Variants in PHF19 observed in about 807,000 individuals in gnomAD.
PHF19 encodes the protein polycomb like 3.
In PHF19, 21 loss-of-function variants were observed where a neutral mutation model predicts 79.8. The ratio of observed to expected loss-of-function variants is 0.26; its 90% CI spans 0.19 to 0.38. The LOEUF (loss-of-function observed/expected upper bound fraction) is 0.38. Ranked by LOEUF, PHF19 falls within the 10% of genes least tolerant of loss-of-function variation. The pLI is 1.00. For missense variants in PHF19, 445 were observed against 744.2 expected (o/e 0.60, Z 4.68); for synonymous variants, 273 against 296.3 (o/e 0.92, Z 0.81).
chr9:120,904,097 GGGGCCTCTAGGCA>G, the PHF19 span: 1 of 152,262 alleles, frequency 6.6e-6, no homozygotes, highest in Non-Finnish European at 1.5e-5. Flanking sequence ...CACCAAAGGT[GGGGCCTCTAGGCA>G]GGAAGAGGAA....
At chr9:120,877,795 G>A (rs550097882), upstream of PHF19, among the ~76,000 whole-genome samples, 2 of 152,284 alleles carry the variant, frequency 1.3e-5, no homozygotes, top group East Asian at 3.9e-4. Context: ...TTCCGACACA[G>A]GTCAGAACAC....
rs549453497 is a variant in PHF19 at position 120,888,076 on chromosome 9, G to A, written c.42+6712C>T. Among the ~76,000 whole-genome samples the A allele has an allele frequency of 3.7e-3, 560 of 152,304 alleles. 6 individuals carry two copies. Among genetic ancestry groups the A allele is most frequent in the African/African-American group, 0.013 (521 of 41,560 alleles). On this transcript the variant is annotated intron_variant, in intron 1 of 14. Coordinates refer to the PHF19 transcript ENST00000616568. Reference sequence around the variant, plus strand: ...CAACCTCTGCCTCCCAGGTTCAAGCGATTCTCCTGCCTCAGCCTCCCAAGT... The same window carrying A: ...CAACCTCTGCCTCCCAGGTTCAAGCAATTCTCCTGCCTCAGCCTCCCAAGT...
Position 120,857,738 on chromosome 9 carries a change from G to C in PHF19, c.*206C>G, listed in dbSNP as rs1016229125. ...GTAGAGACACAGGCACAGGGGTAAC[G>C]AGCCTGAGGAGGCCCTGGAACAGAG... On this transcript the variant is annotated 3_prime_UTR_variant, in exon 15 of 15. Transcript: ENST00000373896. 3.9e-6 allele frequency: 2 copies of C among 514,480 alleles called. No homozygotes were observed. Among genetic ancestry groups the C allele is most frequent in the African/African-American group, 1.9e-5 (1 of 51,674 alleles). 31.9% of individuals were successfully genotyped at this position (514,480 alleles called of 1,614,324 possible).
At position 120,870,558 on chromosome 9, in the gene PHF19, G is replaced by A. The variant is rs370022138; in HGVS notation, c.269-20C>T. ...CACCGGCTGAAAGAGAGGGCCTCGA[G>A]GGTCGGGTCCAGCTCACAGGAATGG... On this transcript the variant is annotated intron_variant, in intron 3 of 14. Coordinates refer to ENST00000373896, the MANE Select transcript of PHF19 (RefSeq NM_015651.3). The surrounding 1 kb of genome is among the most constrained non-coding windows in gnomAD (Gnocchi z 4.4). 75 of 1,446,810 alleles carry A rather than the reference G, an allele frequency of 5.2e-5. No individual in the cohort carries two copies. Among genetic ancestry groups the A allele is most frequent in the Admixed American group, 6.7e-5 (4 of 59,776 alleles). The allele number at this position is 1,446,810 out of a possible 1,614,324, so 89.6% of individuals were successfully genotyped here.
chr9:120,874,445 C>T lies in PHF19; in HGVS notation c.186+111G>A. On this transcript the variant is annotated intron_variant, in intron 2 of 14. Coordinates refer to ENST00000373896, the MANE Select transcript of PHF19 (RefSeq NM_015651.3). The surrounding 1 kb of genome is among the most constrained non-coding windows in gnomAD (Gnocchi z 4.5). ...CACCACCAGCTTTGGGCATGAGGGA[C>T]AAGAAGGGAATTCTCCAGCAATCCC... is the stretch of plus-strand genomic sequence containing the variant. 1 of 733,486 alleles carries T rather than the reference C, an allele frequency of 1.4e-6. No homozygotes were observed. The highest frequency in any genetic ancestry group is 2.3e-6 in the Non-Finnish European group (1 of 438,056). 45.4% of individuals were successfully genotyped at this position (733,486 alleles called of 1,614,324 possible). A position where few individuals can be genotyped will look rare whatever the true frequency, so the allele number is the denominator to read the frequency against.
chr9:120,862,316 C>T lies in PHF19; in HGVS notation c.1130+272G>A, dbSNP rs2045555813. Reference sequence around the variant, plus strand: ...AGCCAGGAGAGAGAGGGACCCCTCACACACCCTGCCTTCCCCTTCACCTCC... The same window carrying T: ...AGCCAGGAGAGAGAGGGACCCCTCATACACCCTGCCTTCCCCTTCACCTCC... On this transcript the variant is annotated intron_variant, in intron 11 of 14. Transcript: ENST00000373896. The surrounding 1 kb of genome is among the most constrained non-coding windows in gnomAD (Gnocchi z 4.6). Among the ~76,000 whole-genome samples, 1 of 152,260 alleles carries T rather than the reference C, an allele frequency of 6.6e-6. No homozygotes were observed. The highest frequency in any genetic ancestry group is 2.4e-5 in the African/African-American group (1 of 41,466).
intron 12 of PHF19, among the ~76,000 whole-genome samples, 165 bp from the exon 13 acceptor site, chr9:120,861,339 A>G (rs980866437): frequency 6.6e-6 from 1 of 152,186 alleles, no homozygotes; most frequent in Non-Finnish European, 1.5e-5. Context: ...AAGTCATCCC[A>G]GTTCTAGCCC....
At chr9:120,889,486 C>T (rs1025142482) in intron 1 of PHF19, among the ~76,000 whole-genome samples, 1 of 149,224 alleles carries the variant, frequency 6.7e-6, no homozygotes, top group Non-Finnish European at 1.5e-5. Flanking sequence ...CCTGTAATTC[C>T]AGCACAGGAA....
chr9:120,891,385 G>A lies in PHF19; in HGVS notation c.42+3403C>T, dbSNP rs1329539896. Among the ~76,000 whole-genome samples, 1 of 151,932 alleles carries A rather than the reference G, an allele frequency of 6.6e-6. No homozygotes were observed. The highest frequency in any genetic ancestry group is 1.5e-5 in the Non-Finnish European group (1 of 68,012). ...GAGAACCTTGCTCAATCTTAAGCCC[G>A]CACACCTGCCGTACTTTGGGATCAC... is the stretch of plus-strand genomic sequence containing the variant. On this transcript the variant is annotated intron_variant, in intron 1 of 14. Transcript: ENST00000616568. This position sits in a 1 kb window ranked among gnomAD's most constrained non-coding sequence, Gnocchi z 4.3.
chr9:120,867,108 G>A (rs1320093977), intron 6 of PHF19, 143 bp from the exon 7 acceptor site: 1 of 622,650 alleles, frequency 1.6e-6, no homozygotes, highest in East Asian at 2.8e-5. Context: ...GCTGTGCCAA[G>A]GGAGGACCTG....
Position 120,865,598 on chromosome 9 carries a change from G to A in PHF19, c.900+112C>T, listed in dbSNP as rs542118901. On this transcript the variant is annotated intron_variant, in intron 9 of 14. Transcript: ENST00000373896. ...ACAAGATCAGAGGCCTGGACTCAGG[G>A]ATGCAGCAACTCAAGGGTGAGAGTT... 4 of 1,334,126 alleles carry A rather than the reference G, an allele frequency of 3.0e-6. No homozygotes were observed. In the East Asian group the frequency reaches 6.9e-5, roughly 23 times the overall value. 82.6% of individuals were successfully genotyped at this position (1,334,126 alleles called of 1,614,324 possible). A position where few individuals can be genotyped will look rare whatever the true frequency, so the allele number is the denominator to read the frequency against.
intron 1 of PHF19, among the ~76,000 whole-genome samples, chr9:120,886,958 C>T (rs772434086): frequency 4.0e-5 from 6 of 150,970 alleles, no homozygotes; most frequent in South Asian, 2.1e-4. Context: ...TACAGCTACC[C>T]GGGAGGCTGA....
At chr9:120,880,501 A>G (rs1252363649), upstream of PHF19, among the ~76,000 whole-genome samples, 1 of 151,970 alleles carries the variant, frequency 6.6e-6, no homozygotes, top group Non-Finnish European at 1.5e-5. Context: ...CTCAACAAAC[A>G]AACAGCAGAC....
intron 14 of PHF19, among the ~76,000 whole-genome samples, chr9:120,859,758 T>C (rs2045463738): frequency 6.6e-6 from 1 of 152,162 alleles, no homozygotes; most frequent in Admixed American, 6.5e-5. Context: ...TCATGGCACG[T>C]GGAGGCCAAA....
upstream of PHF19, among the ~76,000 whole-genome samples, chr9:120,896,824 A>G (rs1404321267): frequency 1.3e-5 from 2 of 152,204 alleles, no homozygotes; most frequent in African/African-American, 4.8e-5. Flanking sequence ...CCTGAAATGA[A>G]GTTTCATCTA....
intron 1 of PHF19, among the ~76,000 whole-genome samples, chr9:120,889,759 G>A (rs970864901): frequency 1.1e-4 from 17 of 149,498 alleles, no homozygotes; most frequent in Non-Finnish European, 1.9e-4. Context: ...AAAAGAAAGA[G>A]AGAGAGAGAG....
the PHF19 span, among the ~76,000 whole-genome samples, chr9:120,900,015 C>A: frequency 7.2e-5 from 11 of 152,254 alleles, no homozygotes; most frequent in African/African-American, 2.6e-4. Flanking sequence ...GAGACAGAGT[C>A]TTGCTCTGTC....
At position 120,857,592 on chromosome 9, in the gene PHF19, G is replaced by T. The variant is rs969800630; in HGVS notation, c.*352C>A. 2 of 222,164 alleles carry T rather than the reference G, an allele frequency of 9.0e-6. No individual in the cohort carries two copies. Among genetic ancestry groups the T allele is most frequent in the Non-Finnish European group, 1.8e-5 (2 of 114,122 alleles). 13.8% of individuals were successfully genotyped at this position (222,164 alleles called of 1,614,324 possible). A position where few individuals can be genotyped will look rare whatever the true frequency, so the allele number is the denominator to read the frequency against. On this transcript the variant is annotated 3_prime_UTR_variant, in exon 15 of 15. Coordinates refer to ENST00000373896, the MANE Select transcript of PHF19 (RefSeq NM_015651.3). ...GGATGTGCGAACACACCCAGAAAGG[G>T]GCGAGAGAGGTCAAGGCACACAACT...
At chr9:120,859,821 G>A (rs973522163) in intron 14 of PHF19, among the ~76,000 whole-genome samples, 1 of 152,188 alleles carries the variant, frequency 6.6e-6, no homozygotes, top group Non-Finnish European at 1.5e-5. Context: ...TCCAGTGAGA[G>A]GTGTGTACAA....
Sources: allele counts gnomAD v4.1 joint callset (sites outside exome capture counted in the v4.1 genomes callset), GRCh38; gene constraint gnomAD v4.1.1; non-coding constraint Gnocchi (gnomAD v3.1); transcripts MANE v1.5; gene names NCBI Gene and HGNC (gene_info 2026-07-23, HGNC 2026-07-21).